Variants in ZFR observed in about 807,000 individuals in gnomAD.
The protein encoded by ZFR is zinc finger RNA binding protein, also known as zinc finger RNA-binding protein.
Under a neutral mutation model 130.7 loss-of-function variants are expected in ZFR, and 19 were observed. That is an observed-to-expected ratio of 0.15 (90% CI 0.10 to 0.21). ZFR has a LOEUF of 0.21. Ranked by LOEUF, ZFR falls within the 10% of genes least tolerant of loss-of-function variation. The pLI, the probability that ZFR is intolerant of heterozygous loss-of-function variation, is 1.00. For missense variants in ZFR, 872 were observed against 1,321.5 expected (o/e 0.66, Z 5.27); for synonymous variants, 466 against 456.9 (o/e 1.02, Z -0.25).
At chr5:32,433,560 A>AT (rs1754267156) in intron 2 of ZFR, among the ~76,000 whole-genome samples, 1 of 151,950 alleles carries the variant, frequency 6.6e-6, no homozygotes, top group East Asian at 1.9e-4. Flanking sequence ...ATCCATAAAA[A>AT]TTTTTTCTGA....
In ZFR at chr5:32,380,001, GCA is replaced by G. The variant is rs2111708433; in HGVS notation, c.2739+72_2739+73del. 3.3e-6 allele frequency: 4 copies of G among 1,217,118 alleles called. No individual in the cohort carries two copies. In the South Asian group the frequency reaches 3.9e-5, roughly 12 times the overall value. The allele number at this position is 1,217,118 out of a possible 1,614,324, so 75.4% of individuals were successfully genotyped here. The stretch of plus-strand genomic sequence containing the variant: ...TTGGGCAGTCTTTTGAAATGTTTAA[GCA>G]CAGTTAAACATGTTGTACTGAACTA... On this transcript the variant is annotated intron_variant, in intron 16 of 19. Transcript: ENST00000265069.
Position 32,411,703 on chromosome 5 carries a change from AAAT to A in ZFR, c.784+3263_784+3265del, listed in dbSNP as rs1310595340. On this transcript the variant is annotated intron_variant, in intron 5 of 19. Coordinates refer to ENST00000265069, the MANE Select transcript of ZFR (RefSeq NM_016107.5). Reference sequence around the variant, plus strand: ...GATGCTGTCTCAAAAAAAAAAAAAAAAATTGAGGGGGGGCGGGGAATAGAAAAT... The same window carrying A: ...GATGCTGTCTCAAAAAAAAAAAAAAATGAGGGGGGGCGGGGAATAGAAAAT... Among the ~76,000 whole-genome samples, 49 of 8,642 alleles carry A rather than the reference AAAT, an allele frequency of 5.7e-3. 1 individual carries two copies. Among genetic ancestry groups the A allele is most frequent in the African/African-American group, 9.3e-3 (18 of 1,940 alleles). The allele number at this position is 8,642 out of a possible 152,430, so 5.7% of individuals were successfully genotyped here.
At chr5:32,421,710 GAAAACAA>G (rs754988160) in intron 2 of ZFR, among the ~76,000 whole-genome samples, 51 of 151,610 alleles carry the variant, frequency 3.4e-4, no homozygotes, top group African/African-American at 9.2e-4. Context: ...ATATGAAAAA[GAAAACAA>G]AAAACAAAAA....
chr5:32,419,455 A>G (rs1282238510), intron 3 of ZFR, among the ~76,000 whole-genome samples: 1 of 152,000 alleles, frequency 6.6e-6, no homozygotes, highest in African/African-American at 2.4e-5. Flanking sequence ...CTCGTGCCTC[A>G]GCCTCCTGAG....
rs561104140 is a variant in ZFR at position 32,382,080 on chromosome 5, T to C, written c.2642-1908A>G. The stretch of plus-strand genomic sequence containing the variant: ...ACTTTGGGAGGCTGAGGCAGGTGGA[T>C]CATCTGAGGTAGGGAGTTCGAGACC... On this transcript the variant is annotated intron_variant, in intron 15 of 19. Transcript: ENST00000265069. 2.6e-5 allele frequency among the ~76,000 whole-genome samples: 4 copies of C among 152,208 alleles called. No individual in the cohort carries two copies. The South Asian group carries it at 8.3e-4, about 32-fold the overall frequency.
intron 3 of ZFR, among the ~76,000 whole-genome samples, chr5:32,418,451 T>G (rs911768151): frequency 2.0e-5 from 3 of 152,128 alleles, no homozygotes; most frequent in Admixed American, 2.0e-4. Flanking sequence ...TTACTAAACT[T>G]TGTAATTGCT....
intron 2 of ZFR, among the ~76,000 whole-genome samples, chr5:32,435,059 C>T (rs1194468047): frequency 6.6e-6 from 1 of 152,092 alleles, no homozygotes; most frequent in Non-Finnish European, 1.5e-5. Context: ...GCAGGGACCA[C>T]AGGTGTATAC....
intron 2 of ZFR, among the ~76,000 whole-genome samples, chr5:32,434,969 G>A (rs1754301968): frequency 6.6e-6 from 1 of 152,102 alleles, no homozygotes; most frequent in African/African-American, 2.4e-5. Flanking sequence ...CCAGGCTGGA[G>A]TGCAGTGGCT....
In ZFR at chr5:32,390,601, T is replaced by A. The variant is rs527689599; in HGVS notation, c.1980-164A>T. ...TTCCATGTTTGCTTTCATTGCGAAG[T>A]AAATGAAAGAGAAAAGAGCATGAAA... On this transcript the variant is annotated intron_variant, in intron 11 of 19. Transcript: ENST00000265069. Among the ~76,000 whole-genome samples the A allele has an allele frequency of 5.9e-5, 9 of 152,230 alleles. No individual in the cohort carries two copies. In the East Asian group the frequency reaches 1.7e-3, roughly 29 times the overall value.
chr5:32,371,088 G>A (rs963324006), intron 17 of ZFR, among the ~76,000 whole-genome samples: 1 of 152,158 alleles, frequency 6.6e-6, no homozygotes, highest in African/African-American at 2.4e-5. Flanking sequence ...AATATATTAG[G>A]GCCAGGCATG....
chr5:32,408,138 A>C (rs1167626942), intron 5 of ZFR, among the ~76,000 whole-genome samples: 3 of 152,042 alleles, frequency 2.0e-5, no homozygotes, highest in Non-Finnish European at 4.4e-5. Flanking sequence ...TATTTTATGA[A>C]TATTAAGCTT....
At chr5:32,356,711 G>A (rs975312316) in intron 19 of ZFR, among the ~76,000 whole-genome samples, 6 of 152,040 alleles carry the variant, frequency 3.9e-5, no homozygotes, top group East Asian at 3.9e-4. Flanking sequence ...GAGCCACTGC[G>A]CCCGGCCTCC....
In ZFR at chr5:32,395,216, T is replaced by A; in HGVS notation, c.1922A>T (p.Gln641Leu). ...TCGTCTTCGCCAGTACTCCTCCTTC[T>A]GCATTTGCTTCCTCATTTTCTCTTC... The part of the protein sequence containing the change: ...IQEEKMRKQM[Q>L]KEEYWRRREE... Residue 641 changes from glutamine to leucine, a missense_variant, in exon 11 of 20, where the codon CAG becomes CTG. By Grantham distance (113) the Gln-to-Leu change is moderately radical. Around this residue, in one of 7 missense-constraint regions of ZFR, gnomAD observed 225 missense variants for 282.4 expected, o/e 0.80. Transcript: ENST00000265069. The A allele has an allele frequency of 6.2e-7, 1 of 1,611,112 alleles. No individual in the cohort carries two copies. The highest frequency in any genetic ancestry group is 8.5e-7 in the Non-Finnish European group (1 of 1,178,444).
intron 19 of ZFR, 135 bp from the exon 20 acceptor site, chr5:32,356,074 C>T: frequency 3.3e-6 from 2 of 604,148 alleles, no homozygotes; most frequent in South Asian, 4.2e-5. Flanking sequence ...ATTACTTTCA[C>T]AACTGAAATA....
At chr5:32,360,446 C>T (rs1440445820) in intron 19 of ZFR, among the ~76,000 whole-genome samples, 1 of 152,078 alleles carries the variant, frequency 6.6e-6, no homozygotes, top group Non-Finnish European at 1.5e-5. Context: ...TTCATATAAA[C>T]GAGATAATTA....
chr5:32,357,042 G>A (rs1171629427), intron 19 of ZFR, among the ~76,000 whole-genome samples: 1 of 151,920 alleles, frequency 6.6e-6, no homozygotes, highest in Non-Finnish European at 1.5e-5. Context: ...AGGCTGGAGT[G>A]CAGTGGTGCC....
At chr5:32,397,136 C>T (rs1180418299) in intron 10 of ZFR, 83 bp downstream of exon 10, 2 of 1,484,714 alleles carry the variant, frequency 1.3e-6, no homozygotes, top group East Asian at 4.7e-5. Flanking sequence ...TGTTTAGATG[C>T]TTTCTTTTAC....
intron 17 of ZFR, among the ~76,000 whole-genome samples, chr5:32,375,062 TAAAC>T (rs758913008): frequency 5.9e-5 from 9 of 152,276 alleles, no homozygotes; most frequent in Non-Finnish European, 8.8e-5. Flanking sequence ...GAGAAATTCT[TAAAC>T]AAACTATTGG....
intron 2 of ZFR, among the ~76,000 whole-genome samples, chr5:32,437,913 T>A (rs1754377105): frequency 6.6e-6 from 1 of 152,190 alleles, no homozygotes; most frequent in African/African-American, 2.4e-5. Context: ...ACTTTCATGA[T>A]ATTTTTAGCT....
Sources: gnomAD v4.1 joint callset for allele counts (sites outside exome capture counted in the v4.1 genomes callset) on GRCh38, gnomAD v4.1.1 for gene constraint, gnomAD v4.1.1 regional missense constraint, MANE v1.5 for transcripts, NCBI Gene and HGNC (gene_info 2026-07-23, HGNC 2026-07-21) for gene names.